CALD1: variants seen among roughly 807,000 people sequenced by gnomAD.
CALD1 encodes caldesmon 1.
A neutral mutation model predicts 99.9 loss-of-function variants in CALD1; 33 were observed. That is an observed-to-expected ratio of 0.33 (90% confidence interval 0.25 to 0.44). The LOEUF (loss-of-function observed/expected upper bound fraction) is 0.44. CALD1 is among the 20% of genes least tolerant of loss of function. The pLI, the probability that CALD1 is intolerant of heterozygous loss-of-function variation, is 1.00. For missense variants in CALD1, 861 were observed against 962.1 expected (o/e 0.89, Z 1.39); for synonymous variants, 310 against 325.0 (o/e 0.95, Z 0.50).
At chr7:134,778,215 C>T (rs1374533672), upstream of CALD1, among the ~76,000 whole-genome samples, 2 of 152,134 alleles carry the variant, frequency 1.3e-5, no homozygotes, top group Non-Finnish European at 2.9e-5. Context: ...GATATGGATG[C>T]CTCTGGGTAA....
chr7:134,812,230 A>C lies in CALD1; in HGVS notation c.-129-31654A>C, dbSNP rs1798378816. 2.0e-5 allele frequency among the ~76,000 whole-genome samples: 3 copies of C among 152,202 alleles called. No individual in the cohort carries two copies. In the South Asian group the frequency reaches 6.2e-4, roughly 31 times the overall value. On this transcript the variant is annotated intron_variant, in intron 1 of 14. Transcript: ENST00000361675. Reference sequence around the variant, plus strand: ...ATAGGAAATGTTCCCTATAAGCTGCATGCTACCATTACTCTCCTGCTTCTT... The same window carrying C: ...ATAGGAAATGTTCCCTATAAGCTGCCTGCTACCATTACTCTCCTGCTTCTT...
intron 4 of CALD1, 136 bp from the exon 5 acceptor site, chr7:134,932,852 A>T: frequency 1.7e-6 from 1 of 576,068 alleles, no homozygotes; most frequent in Non-Finnish European, 3.0e-6. Context: ...GTGTACTAAA[A>T]TGGTAACGTA....
At chr7:134,769,141 G>C (rs1401380032) in intron 1 of CALD1, among the ~76,000 whole-genome samples, 1 of 151,610 alleles carries the variant, frequency 6.6e-6, no homozygotes, top group Non-Finnish European at 1.5e-5. Context: ...CATGGTTTCT[G>C]TAGCCTCTCC....
In CALD1 at chr7:134,905,242, C is replaced by CATG. The variant is rs113166003; in HGVS notation, c.72-23500_72-23498dup. On this transcript the variant is annotated intron_variant, in intron 3 of 14. Coordinates refer to ENST00000361675, the MANE Select transcript of CALD1 (RefSeq NM_033138.4). Reference sequence around the variant, plus strand: ...CTGTAAGCACAGATTTAATTTCCATCATGATGATGATGATAAAATTTTAAA... The same window carrying CATG: ...CTGTAAGCACAGATTTAATTTCCATCATGATGATGATGATGATAAAATTTTAAA... Among the ~76,000 whole-genome samples the CATG allele has an allele frequency of 2.2e-4, 33 of 152,194 alleles. 1 individual carries two copies. The highest frequency in any genetic ancestry group is 5.5e-4 in the African/African-American group (23 of 41,482).
chr7:134,911,453 A>C (rs1031271964), intron 3 of CALD1, among the ~76,000 whole-genome samples: 3 of 152,160 alleles, frequency 2.0e-5, no homozygotes, highest in Non-Finnish European at 4.4e-5. Flanking sequence ...TTACTGAGAG[A>C]AGATAAAGCT....
chr7:134,925,733 A>T (rs1421083534), intron 3 of CALD1, among the ~76,000 whole-genome samples: 2 of 152,312 alleles, frequency 1.3e-5, no homozygotes, highest in East Asian at 3.9e-4. Flanking sequence ...AACACCTGAC[A>T]CGGGGGATTA....
At chr7:134,778,093 C>T (rs1470206084), upstream of CALD1, among the ~76,000 whole-genome samples, 3 of 152,192 alleles carry the variant, frequency 2.0e-5, no homozygotes, top group African/African-American at 7.2e-5. Context: ...TGAGGCTCAT[C>T]TCTCCCTCTG....
At chr7:134,778,914 G>A (rs1270152169), upstream of CALD1, among the ~76,000 whole-genome samples, 1 of 152,102 alleles carries the variant, frequency 6.6e-6, no homozygotes, top group Non-Finnish European at 1.5e-5. Context: ...AGGACCTTAG[G>A]TTTATTCTGG....
intron 4 of CALD1, among the ~76,000 whole-genome samples, chr7:134,929,495 T>C (rs888204818): frequency 1.3e-5 from 2 of 150,360 alleles, no homozygotes; most frequent in Non-Finnish European, 3.0e-5. Context: ...CATTTGATAT[T>C]TGGTTTTCCA....
rs1055457754 is a variant in CALD1 at position 134,865,764 on chromosome 7, A to G, written c.-41-1929A>G. 3.3e-5 allele frequency among the ~76,000 whole-genome samples: 5 copies of G among 152,286 alleles called. No individual in the cohort carries two copies. In the South Asian group the frequency reaches 8.3e-4, roughly 25 times the overall value. On this transcript the variant is annotated intron_variant, in intron 2 of 14. Coordinates refer to ENST00000361675, the MANE Select transcript of CALD1 (RefSeq NM_033138.4). ...GTGCATCTCCAGCCTGCTTGGAGAT[A>G]TTCATTTCACTGCTCATTAGCACCT... is the stretch of plus-strand genomic sequence containing the variant.
At chr7:134,750,065 C>A (rs1334977701) in intron 1 of CALD1, among the ~76,000 whole-genome samples, 5 of 151,948 alleles carry the variant, frequency 3.3e-5, no homozygotes, top group Non-Finnish European at 7.4e-5. Context: ...AAGACACAGA[C>A]CAACTATCTT....
the CALD1 span, among the ~76,000 whole-genome samples, chr7:134,718,059 T>C: frequency 6.6e-6 from 1 of 152,348 alleles, no homozygotes; most frequent in South Asian, 2.1e-4. Flanking sequence ...TTTTCCCTTT[T>C]GTTTTTAAAC....
At chr7:134,869,843 A>T (rs1800981043) in intron 3 of CALD1, among the ~76,000 whole-genome samples, 1 of 152,192 alleles carries the variant, frequency 6.6e-6, no homozygotes, top group African/African-American at 2.4e-5. Flanking sequence ...GCAAGTGTAG[A>T]AAAAGTGAGC....
intron 1 of CALD1, among the ~76,000 whole-genome samples, chr7:134,749,731 A>T (rs192932091): frequency 1.3e-5 from 2 of 152,306 alleles, no homozygotes; most frequent in Admixed American, 1.3e-4. Flanking sequence ...AACACCATGA[A>T]GGAATTCTGT....
At position 134,892,910 on chromosome 7, in the gene CALD1, T is replaced by C. The variant is rs1802310467; in HGVS notation, c.71+25106T>C. Among the ~76,000 whole-genome samples the C allele has an allele frequency of 2.0e-5, 3 of 148,434 alleles. No individual in the cohort carries two copies. In the South Asian group the frequency reaches 6.6e-4, roughly 33 times the overall value. ...ACCTCCCCACCCTCTTCATCAAAAC[T>C]TCCTTGGAATCCTAGGTCTCCATGG... On this transcript the variant is annotated intron_variant, in intron 3 of 14. Transcript: ENST00000361675.
intron 8 of CALD1, among the ~76,000 whole-genome samples, chr7:134,949,794 G>A (rs1807192774): frequency 6.6e-6 from 1 of 152,018 alleles, no homozygotes; most frequent in Non-Finnish European, 1.5e-5. Flanking sequence ...ATCATAATGA[G>A]TGTTAGTCTA....
At chr7:134,923,160 C>A (rs574439486) in intron 3 of CALD1, among the ~76,000 whole-genome samples, 42 of 152,296 alleles carry the variant, frequency 2.8e-4, no homozygotes, top group Non-Finnish European at 4.4e-4. Context: ...ACCTTTGCTG[C>A]AGAAAGGTAC....
chr7:134,909,638 A>T (rs1803651800), intron 3 of CALD1, among the ~76,000 whole-genome samples: 1 of 152,176 alleles, frequency 6.6e-6, no homozygotes, highest in South Asian at 2.1e-4. Context: ...AGCCAAGATC[A>T]CGCCATTGCA....
At chr7:134,868,590 T>C (rs747348181) in intron 3 of CALD1, among the ~76,000 whole-genome samples, 1 of 152,164 alleles carries the variant, frequency 6.6e-6, no homozygotes, top group Non-Finnish European at 1.5e-5. Flanking sequence ...GTAACTCCAA[T>C]GCTCAGATGA....
Sources: gnomAD v4.1 joint callset for allele counts (sites outside exome capture counted in the v4.1 genomes callset) on GRCh38, gnomAD v4.1.1 for gene constraint, MANE v1.5 for transcripts, NCBI Gene and HGNC (gene_info 2026-07-23, HGNC 2026-07-21) for gene names.